Variants in AKAP6 observed in about 807,000 individuals in gnomAD.
The protein encoded by AKAP6 is A-kinase anchoring protein 6.
AKAP6 carries 58 observed loss-of-function variants against 188.5 expected under a neutral mutation model. The observed-to-expected ratio is 0.31, with a 90% confidence interval of 0.25 to 0.38. The LOEUF (loss-of-function observed/expected upper bound fraction) is 0.38. Among genes scored for constraint, AKAP6 ranks in the 10% least tolerant of loss-of-function variants. The pLI, the probability that AKAP6 is intolerant of heterozygous loss-of-function variation, is 1.00. For missense variants in AKAP6, 2,710 were observed against 2,740.0 expected (o/e 0.99, Z 0.24); for synonymous variants, 989 against 998.6 (o/e 0.99, Z 0.18).
chr14:32,490,192 A>T (rs1207554707), intron 2 of AKAP6, among the ~76,000 whole-genome samples: 2 of 150,170 alleles, frequency 1.3e-5, no homozygotes, highest in African/African-American at 4.9e-5. Context: ...AGTTAAGGCT[A>T]TTTTCACTTC....
chr14:32,510,438 G>GTATATATATATACATATATATGTGTA (rs57879521), intron 2 of AKAP6, among the ~76,000 whole-genome samples: 67 of 84,456 alleles, frequency 7.9e-4, no homozygotes, highest in Non-Finnish European at 1.4e-3. Context: ...ATATATATGT[G>GTATATATATATACATATATATGTGTA]TATATATATA....
At chr14:32,693,425 CTCT>C (rs1169999937) in intron 8 of AKAP6, 2 of 152,190 alleles carry the variant, frequency 1.3e-5, no homozygotes, top group African/African-American at 4.8e-5. Flanking sequence ...ACCCTGGAGT[CTCT>C]TCTTGGGAGA....
chr14:32,466,414 A>G (rs1878433479), intron 2 of AKAP6, among the ~76,000 whole-genome samples: 1 of 152,158 alleles, frequency 6.6e-6, no homozygotes, highest in Admixed American at 6.5e-5. Flanking sequence ...GAATGAGTTC[A>G]TGTCCTTTGC....
chr14:32,817,298 T>C (rs557341188), intron 12 of AKAP6, among the ~76,000 whole-genome samples: 1 of 152,312 alleles, frequency 6.6e-6, no homozygotes, highest in East Asian at 1.9e-4. Flanking sequence ...TTGGTTCTTC[T>C]TTTTTTGTCA....
chr14:32,800,164 A>G (rs2033903263), intron 12 of AKAP6, among the ~76,000 whole-genome samples: 1 of 115,510 alleles, frequency 8.7e-6, no homozygotes, highest in Admixed American at 8.7e-5. Context: ...ATATATATAC[A>G]CATATATATA....
At chr14:32,570,796 G>A (rs1269282995) in intron 4 of AKAP6, among the ~76,000 whole-genome samples, 2 of 152,206 alleles carry the variant, frequency 1.3e-5, no homozygotes, top group African/African-American at 4.8e-5. Context: ...CTTATGAGAA[G>A]CACTTTTTCC....
chr14:32,480,343 G>A (rs936030170), intron 2 of AKAP6, among the ~76,000 whole-genome samples: 1 of 152,194 alleles, frequency 6.6e-6, no homozygotes, highest in South Asian at 2.1e-4. Flanking sequence ...ATTCTCTAAT[G>A]TGGGATCTTG....
chr14:32,559,783 C>CTT (rs35914295), intron 4 of AKAP6, among the ~76,000 whole-genome samples: 63 of 119,068 alleles, frequency 5.3e-4, no homozygotes, highest in African/African-American at 1.2e-3. Flanking sequence ...TAAGCCTAAT[C>CTT]TTTTTTTTTT....
intron 7 of AKAP6, among the ~76,000 whole-genome samples, chr14:32,665,267 C>T (rs200888370): frequency 2.6e-5 from 4 of 152,180 alleles, no homozygotes; most frequent in South Asian, 2.1e-4. Context: ...ACACACCAGT[C>T]GAAAGTTCGG....
At chr14:32,646,584 A>G (rs1887995931) in intron 7 of AKAP6, among the ~76,000 whole-genome samples, 1 of 152,198 alleles carries the variant, frequency 6.6e-6, no homozygotes. Flanking sequence ...CCAGATTTCA[A>G]TGAAATATAT....
At chr14:32,591,603 C>T (rs1885487693) in intron 5 of AKAP6, among the ~76,000 whole-genome samples, 1 of 150,038 alleles carries the variant, frequency 6.7e-6, no homozygotes, top group Non-Finnish European at 1.5e-5. Context: ...AAAGTCTCCT[C>T]AGGAAGAAGG....
At chr14:32,610,730 G>A (rs1405220950) in intron 7 of AKAP6, among the ~76,000 whole-genome samples, 1 of 152,340 alleles carries the variant, frequency 6.6e-6, no homozygotes, top group South Asian at 2.1e-4. Flanking sequence ...ATAGGAAATA[G>A]CATGGTCAAA....
At chr14:32,520,953 C>A (rs1798866374) in intron 2 of AKAP6, among the ~76,000 whole-genome samples, 2 of 152,274 alleles carry the variant, frequency 1.3e-5, no homozygotes, top group Non-Finnish European at 2.9e-5. Flanking sequence ...AAAATACTGG[C>A]AAACCGAATC....
At chr14:32,356,949 C>T (rs116106456) in intron 1 of AKAP6, among the ~76,000 whole-genome samples, 3,799 of 152,034 alleles carry the variant, frequency 0.025, 138 homozygotes, top group African/African-American at 0.082. Context: ...ATGCTTGCAC[C>T]GGACATATGC....
chr14:32,797,612 G>C (rs1281550689), intron 12 of AKAP6, among the ~76,000 whole-genome samples: 1 of 145,310 alleles, frequency 6.9e-6, no homozygotes, highest in Admixed American at 6.9e-5. Context: ...CACATGCTGG[G>C]GCCTTTCAGA....
At chr14:32,551,544 C>A (rs1170372369) in intron 4 of AKAP6, among the ~76,000 whole-genome samples, 1 of 146,608 alleles carries the variant, frequency 6.8e-6, no homozygotes. Context: ...GGCACTCCAG[C>A]CTGGGCAACG....
intron 7 of AKAP6, among the ~76,000 whole-genome samples, chr14:32,650,280 T>C (rs1410896606): frequency 6.6e-6 from 1 of 152,178 alleles, no homozygotes; most frequent in East Asian, 1.9e-4. Context: ...GCATAGCGGT[T>C]TGTCTTTCAG....
At chr14:32,716,382 G>A (rs980197375) in intron 9 of AKAP6, among the ~76,000 whole-genome samples, 4 of 151,264 alleles carry the variant, frequency 2.6e-5, no homozygotes, top group East Asian at 1.9e-4. Flanking sequence ...TATGTATTAC[G>A]TACTATATCC....
chr14:32,479,242 C>A (rs1879219594), intron 2 of AKAP6, among the ~76,000 whole-genome samples: 1 of 151,834 alleles, frequency 6.6e-6, no homozygotes, highest in Non-Finnish European at 1.5e-5. Context: ...TGACTTACAC[C>A]AAGTAAACAT....
Sources: gnomAD v4.1 joint callset for allele counts (sites outside exome capture counted in the v4.1 genomes callset) on GRCh38, gnomAD v4.1.1 for gene constraint, MANE v1.5 for transcripts, NCBI Gene and HGNC (gene_info 2026-07-23, HGNC 2026-07-21) for gene names.